Variants in PTPRN2 observed in about 807,000 individuals in gnomAD.
PTPRN2 encodes protein tyrosine phosphatase receptor type N2, also known as receptor-type tyrosine-protein phosphatase N2.
A neutral mutation model predicts 118.8 loss-of-function variants in PTPRN2; 74 were observed. The ratio of observed to expected loss-of-function variants is 0.62; its 90% CI spans 0.52 to 0.76. PTPRN2 has a LOEUF of 0.76. Among genes scored for constraint, PTPRN2 ranks in the 30% least tolerant of loss-of-function variants. PTPRN2 has a pLI of 0.00. For missense variants in PTPRN2, 1,481 were observed against 1,394.4 expected (o/e 1.06, Z -0.99); for synonymous variants, 641 against 608.0 (o/e 1.05, Z -0.80).
intron 13 of PTPRN2, among the ~76,000 whole-genome samples, chr7:157,657,095 CCACA>C (rs764260241): frequency 5.9e-5 from 3 of 50,918 alleles, no homozygotes; most frequent in South Asian, 6.6e-4. Flanking sequence ...CACACATACG[CCACA>C]CACACACACC....
intron 2 of PTPRN2, among the ~76,000 whole-genome samples, chr7:158,324,319 AG>A (rs778142628): frequency 2.0e-5 from 3 of 152,182 alleles, no homozygotes; most frequent in Non-Finnish European, 4.4e-5. Context: ...GTGGACTAAA[AG>A]GATGTTAGTG....
rs114598984 is a variant in PTPRN2, at chr7:157,552,116, C to A, written c.2903-3097G>T. Among the ~76,000 whole-genome samples the A allele has an allele frequency of 3.7e-3, 560 of 151,438 alleles. 2 individuals are homozygous for A. Among genetic ancestry groups the A allele is most frequent in the African/African-American group, 0.013 (532 of 41,230 alleles). On this transcript the variant is annotated intron_variant, in intron 21 of 22. Coordinates refer to ENST00000389418, the MANE Select transcript of PTPRN2 (RefSeq NM_002847.5). ...ATGCACTCTATGGCCACTGCACACC[C>A]TGTGGTCACTGACCACACACCCCAC...
chr7:158,457,516 G>A lies in PTPRN2; in HGVS notation c.163+32219C>T, dbSNP rs984618457. On this transcript the variant is annotated intron_variant, in intron 2 of 22. Transcript: ENST00000389418. ...GTTACCACCAAACCTCCCTCTCCAG[G>A]GCGAGCCTGGCCTGGGGGGAGTCAC... 3.4e-5 allele frequency among the ~76,000 whole-genome samples: 5 copies of A among 149,232 alleles called. 1 individual carries two copies. Among genetic ancestry groups the A allele is most frequent in the Non-Finnish European group, 7.4e-5 (5 of 67,236 alleles).
intron 15 of PTPRN2, among the ~76,000 whole-genome samples, chr7:157,612,650 C>A (rs773984328): frequency 6.6e-6 from 1 of 152,204 alleles, no homozygotes; most frequent in African/African-American, 2.4e-5. Flanking sequence ...CCCCACAGCA[C>A]GGGGCGCAGG....
At chr7:158,079,186 G>A (rs997711867) in intron 11 of PTPRN2, among the ~76,000 whole-genome samples, 36 of 152,114 alleles carry the variant, frequency 2.4e-4, no homozygotes, top group African/African-American at 8.4e-4. Context: ...TGACACCATA[G>A]AATTATTCAA....
At chr7:158,186,266 A>T (rs1307325277) in intron 5 of PTPRN2, among the ~76,000 whole-genome samples, 2 of 152,102 alleles carry the variant, frequency 1.3e-5, no homozygotes, top group Non-Finnish European at 2.9e-5. Flanking sequence ...CCCTTTCTGG[A>T]ATGCAGTTCA....
At chr7:157,851,654 T>C (rs1809282926) in intron 12 of PTPRN2, among the ~76,000 whole-genome samples, 1 of 152,198 alleles carries the variant, frequency 6.6e-6, no homozygotes, top group African/African-American at 2.4e-5. Context: ...CGCCCAGCTC[T>C]AGGTGCCTGA....
At chr7:157,710,808 A>G (rs1371755459) in intron 12 of PTPRN2, among the ~76,000 whole-genome samples, 1 of 150,274 alleles carries the variant, frequency 6.7e-6, no homozygotes, top group Non-Finnish European at 1.5e-5. Flanking sequence ...CGAGAGCCCC[A>G]CGCGCCGGAG....
intron 7 of PTPRN2, among the ~76,000 whole-genome samples, chr7:158,137,519 G>A (rs752988240): frequency 1.6e-4 from 24 of 152,120 alleles, no homozygotes; most frequent in Non-Finnish European, 3.5e-4. Flanking sequence ...GAGACAGCAC[G>A]CACACCAGGG....
intron 12 of PTPRN2, among the ~76,000 whole-genome samples, chr7:157,692,761 C>A (rs1019173759): frequency 1.3e-5 from 2 of 152,092 alleles, no homozygotes; most frequent in Admixed American, 1.3e-4. Context: ...TGAGTGAACC[C>A]CTCCAGTAGG....
intron 1 of PTPRN2, among the ~76,000 whole-genome samples, chr7:158,540,909 A>AT (rs1387308793): frequency 6.6e-6 from 1 of 152,168 alleles, no homozygotes; most frequent in African/African-American, 2.4e-5. Flanking sequence ...CGTGTCCAGT[A>AT]TTTACCGAGC....
intron 2 of PTPRN2, among the ~76,000 whole-genome samples, chr7:158,329,982 G>A (rs1044008799): frequency 6.6e-6 from 1 of 152,134 alleles, no homozygotes; most frequent in South Asian, 2.1e-4. Flanking sequence ...CTCACCATAA[G>A]AGCTCACGCC....
chr7:158,432,129 G>C (rs1246290653), intron 2 of PTPRN2, among the ~76,000 whole-genome samples: 1 of 152,212 alleles, frequency 6.6e-6, no homozygotes, highest in African/African-American at 2.4e-5. Context: ...CCAGGGCGGG[G>C]AGGACTCAGA....
At chr7:158,136,620 T>C (rs755610846) in intron 8 of PTPRN2, 35 bp downstream of exon 8, 1 of 1,601,948 alleles carries the variant, frequency 6.2e-7, no homozygotes, top group Non-Finnish European at 8.5e-7. Flanking sequence ...ACTTCCACAT[T>C]TAACATGAAA....
At chr7:158,441,804 C>T (rs369525732) in intron 2 of PTPRN2, among the ~76,000 whole-genome samples, 10 of 106,232 alleles carry the variant, frequency 9.4e-5, no homozygotes, top group East Asian at 2.9e-4. Flanking sequence ...ATGGTCATGG[C>T]AGTGGTGGTG....
intron 3 of PTPRN2, among the ~76,000 whole-genome samples, chr7:158,222,570 T>C (rs10215745): frequency 0.32 from 48,756 of 151,798 alleles, 10,095 homozygotes; most frequent in African/African-American, 0.58. Flanking sequence ...CCGAGGACTA[T>C]GAAAGGCAGA....
rs1003219024 is a variant in PTPRN2 at position 157,986,260 on chromosome 7, C to G, written c.1724-87523G>C. ...CGAGTCACTGTTGGATGTGAGGCAA[C>G]GTGAAGGCTCCACCACTAGGACCCA... is the stretch of plus-strand genomic sequence containing the variant. On this transcript the variant is annotated intron_variant, in intron 11 of 22. Coordinates refer to ENST00000389418, the MANE Select transcript of PTPRN2 (RefSeq NM_002847.5). The surrounding 1 kb of genome is among the most constrained non-coding windows in gnomAD (Gnocchi z 4.5). Among the ~76,000 whole-genome samples the G allele has an allele frequency of 3.3e-5, 5 of 152,162 alleles. No homozygotes were observed. The highest frequency in any genetic ancestry group is 9.7e-5 in the African/African-American group (4 of 41,434).
chr7:158,452,439 G>A (rs774223860), intron 2 of PTPRN2, among the ~76,000 whole-genome samples: 24 of 152,276 alleles, frequency 1.6e-4, no homozygotes, highest in South Asian at 4.2e-4. Context: ...TGGACCTGCC[G>A]GGTTCACCGT....
intron 2 of PTPRN2, among the ~76,000 whole-genome samples, chr7:158,331,326 A>ACCTG (rs1804393276): frequency 2.7e-5 from 3 of 111,094 alleles, no homozygotes; most frequent in African/African-American, 1.1e-4. Context: ...GCTGAGGCCC[A>ACCTG]CAGAGGTCAC....
Sources: gnomAD v4.1 joint callset for allele counts (sites outside exome capture counted in the v4.1 genomes callset) on GRCh38, gnomAD v4.1.1 for gene constraint, Gnocchi (gnomAD v3.1) non-coding constraint, MANE v1.5 for transcripts, NCBI Gene and HGNC (gene_info 2026-07-23, HGNC 2026-07-21) for gene names.